Variants in KCNMB2 observed in about 807,000 individuals in gnomAD.
The protein encoded by KCNMB2 is calcium-activated potassium channel subunit beta-2.
A neutral mutation model predicts 24.5 loss-of-function variants in KCNMB2; 9 were observed. The ratio of observed to expected loss-of-function variants is 0.37; its 90% CI spans 0.22 to 0.64. KCNMB2 has a LOEUF of 0.64. Ranked by LOEUF, KCNMB2 falls within the 30% of genes least tolerant of loss-of-function variation. The pLI is 0.63. For synonymous variants in KCNMB2, 109 were observed against 104.4 expected (o/e 1.04, Z -0.27); for missense variants, 226 against 284.3 (o/e 0.79, Z 1.47).
intron 1 of KCNMB2, among the ~76,000 whole-genome samples, chr3:178,611,449 A>G (rs7638229): frequency 5.7e-4 from 87 of 152,284 alleles, no homozygotes; most frequent in Middle Eastern, 6.8e-3. Flanking sequence ...TCACGCCTGT[A>G]ATCCCAGCAC....
chr3:178,747,088 C>T (rs1723695542), intron 1 of KCNMB2: 2 of 152,414 alleles, frequency 1.3e-5, no homozygotes, highest in South Asian at 2.1e-4. Flanking sequence ...TATTTTCATG[C>T]TGCTGATGAA....
At chr3:178,734,406 A>G (rs571366858) in intron 1 of KCNMB2, among the ~76,000 whole-genome samples, 1 of 152,200 alleles carries the variant, frequency 6.6e-6, no homozygotes, top group Admixed American at 6.5e-5. Flanking sequence ...GTCTCCCTTC[A>G]CTAAAATAAA....
At chr3:178,829,531 A>G (rs558970127) in intron 4 of KCNMB2, among the ~76,000 whole-genome samples, 10 of 152,270 alleles carry the variant, frequency 6.6e-5, no homozygotes, top group African/African-American at 2.4e-4. Context: ...ATTTTCTTTC[A>G]TTTGTAGTAG....
At chr3:178,634,091 C>T (rs1220809921) in intron 1 of KCNMB2, among the ~76,000 whole-genome samples, 1 of 152,182 alleles carries the variant, frequency 6.6e-6, no homozygotes, top group Non-Finnish European at 1.5e-5. Context: ...CATGTCTCTA[C>T]AAAATTTCAA....
intron 1 of KCNMB2, among the ~76,000 whole-genome samples, chr3:178,659,800 G>T (rs1342365727): frequency 4.6e-5 from 7 of 152,156 alleles, no homozygotes; most frequent in Admixed American, 2.6e-4. Flanking sequence ...GCCCATTATA[G>T]TTCCTTATAA....
chr3:178,757,926 T>TAC (rs1383007273), intron 1 of KCNMB2, among the ~76,000 whole-genome samples: 2,795 of 120,086 alleles, frequency 0.023, 544 homozygotes, highest in African/African-American at 0.05. Flanking sequence ...TCCAAGAGGA[T>TAC]ATATATATAC....
chr3:178,558,957 T>C (rs1039304712), intron 1 of KCNMB2: 3 of 151,992 alleles, frequency 2.0e-5, no homozygotes, highest in Admixed American at 6.6e-5. Context: ...AAGCGGCGAG[T>C]GGTGTGAGAG....
chr3:178,590,694 A>G (rs113454258), intron 1 of KCNMB2, among the ~76,000 whole-genome samples: 4,657 of 152,300 alleles, frequency 0.031, 257 homozygotes, highest in African/African-American at 0.11. Context: ...AGAACAGTTA[A>G]GTAACTTGCC....
intron 1 of KCNMB2, among the ~76,000 whole-genome samples, chr3:178,662,495 C>G (rs1357164722): frequency 6.6e-6 from 1 of 152,080 alleles, no homozygotes; most frequent in Non-Finnish European, 1.5e-5. Context: ...ATACAAAATT[C>G]ACACCATTAT....
intron 1 of KCNMB2, among the ~76,000 whole-genome samples, chr3:178,664,449 C>T (rs1449594056): frequency 3.3e-5 from 5 of 152,044 alleles, no homozygotes; most frequent in Admixed American, 6.6e-5. Context: ...CCTGGGCATG[C>T]ACTCCTCTTT....
At chr3:178,778,017 G>A in intron 1 of KCNMB2, among the ~76,000 whole-genome samples, 1 of 152,140 alleles carries the variant, frequency 6.6e-6, no homozygotes, top group Non-Finnish European at 1.5e-5. Context: ...CCTGGCTACT[G>A]CAGCTGCATT....
intron 1 of KCNMB2, among the ~76,000 whole-genome samples, chr3:178,643,139 T>C (rs1719786116): frequency 1.3e-5 from 2 of 152,176 alleles, no homozygotes; most frequent in Admixed American, 1.3e-4. Context: ...TTATGCCAAA[T>C]GAAAATAGCC....
intron 1 of KCNMB2, among the ~76,000 whole-genome samples, chr3:178,738,334 A>G (rs1318737575): frequency 6.6e-6 from 1 of 152,140 alleles, no homozygotes; most frequent in Admixed American, 6.5e-5. Flanking sequence ...CCCTCCCTCC[A>G]ACAATCTATT....
At chr3:178,743,625 G>A (rs1031884759) in intron 1 of KCNMB2, among the ~76,000 whole-genome samples, 1 of 152,234 alleles carries the variant, frequency 6.6e-6, no homozygotes, top group African/African-American at 2.4e-5. Flanking sequence ...TCTGCGTCGT[G>A]TTGATCACAA....
At chr3:178,680,673 T>C (rs920501915) in intron 1 of KCNMB2, among the ~76,000 whole-genome samples, 3 of 152,166 alleles carry the variant, frequency 2.0e-5, no homozygotes, top group Admixed American at 6.5e-5. Flanking sequence ...AGATCTAGTC[T>C]AGGTGTACAC....
intron 4 of KCNMB2, among the ~76,000 whole-genome samples, chr3:178,836,987 C>G (rs554683077): frequency 3.3e-5 from 5 of 152,290 alleles, no homozygotes; most frequent in African/African-American, 1.2e-4. Flanking sequence ...TAAATCTTCA[C>G]TCTAAATTCA....
intron 1 of KCNMB2, among the ~76,000 whole-genome samples, chr3:178,590,317 T>G (rs1185732438): frequency 1.3e-5 from 2 of 152,132 alleles, no homozygotes; most frequent in African/African-American, 4.8e-5. Context: ...TTTCTCCCCT[T>G]CATATACACA....
At chr3:178,748,908 T>C (rs1251737734) in intron 1 of KCNMB2, 1 of 152,178 alleles carries the variant, frequency 6.6e-6, no homozygotes, top group Non-Finnish European at 1.5e-5. Flanking sequence ...AGAAACTCAA[T>C]AAATTTATCT....
intron 1 of KCNMB2, among the ~76,000 whole-genome samples, chr3:178,643,488 C>G (rs1023385128): frequency 6.6e-6 from 1 of 152,154 alleles, no homozygotes; most frequent in Non-Finnish European, 1.5e-5. Flanking sequence ...TATTGTATTA[C>G]AGTTGTGCAT....
Sources: allele counts gnomAD v4.1 joint callset (sites outside exome capture counted in the v4.1 genomes callset), GRCh38; gene constraint gnomAD v4.1.1; transcripts MANE v1.5; gene names NCBI Gene and HGNC (gene_info 2026-07-23, HGNC 2026-07-21).